The following EFCAB6 variants were observed in gnomAD, a reference collection of about 807,000 sequenced individuals.
EFCAB6 encodes EF-hand calcium-binding domain-containing protein 6.
In EFCAB6, 156 loss-of-function variants were observed where a neutral mutation model predicts 169.8. The ratio of observed to expected loss-of-function variants is 0.92; its 90% confidence interval spans 0.81 to 1.05. The LOEUF (loss-of-function observed/expected upper bound fraction) is 1.05, where lower values mean the gene tolerates loss of function less well. EFCAB6 is among the 50% of genes least tolerant of loss of function. The pLI is 0.00. For missense variants in EFCAB6, 1,800 were observed against 1,829.1 expected (o/e 0.98, Z 0.29); for synonymous variants, 698 against 676.4 (o/e 1.03, Z -0.50).
chr22:43,805,335 C>A (rs1305585435), intron 2 of EFCAB6, among the ~76,000 whole-genome samples: 1 of 152,170 alleles, frequency 6.6e-6, no homozygotes, highest in Non-Finnish European at 1.5e-5. Context: ...TACATATACC[C>A]AATAGAATAT....
At chr22:43,530,436 G>A (rs1250694409) in intron 31 of EFCAB6, 3 of 867,742 alleles carry the variant, frequency 3.5e-6, no homozygotes. Context: ...CCCTTGGAAG[G>A]TCCAACATAG....
chr22:43,605,514 G>A (rs1464158451), intron 22 of EFCAB6, among the ~76,000 whole-genome samples: 2 of 152,076 alleles, frequency 1.3e-5, no homozygotes, highest in South Asian at 2.1e-4. Flanking sequence ...GTGGTGGTGC[G>A]TGCCTGTAAT....
At chr22:43,531,321 C>T (rs2047052777) in intron 30 of EFCAB6, among the ~76,000 whole-genome samples, 2 of 152,100 alleles carry the variant, frequency 1.3e-5, no homozygotes, top group Admixed American at 1.3e-4. Context: ...CTTCAGGCCA[C>T]ACCACCTCCC....
chr22:43,798,575 T>C (rs1356523341), intron 2 of EFCAB6, among the ~76,000 whole-genome samples: 1 of 152,196 alleles, frequency 6.6e-6, no homozygotes, highest in Non-Finnish European at 1.5e-5. Flanking sequence ...GATGTAGCTA[T>C]TGGGATAAGT....
intron 26 of EFCAB6, among the ~76,000 whole-genome samples, chr22:43,565,501 C>T (rs1881576047): frequency 6.6e-6 from 1 of 152,116 alleles, no homozygotes; most frequent in Non-Finnish European, 1.5e-5. Context: ...CAGTGTTCCA[C>T]GAAATGGACA....
At chr22:43,807,876 T>C (rs551841562) in intron 2 of EFCAB6, among the ~76,000 whole-genome samples, 1 of 152,330 alleles carries the variant, frequency 6.6e-6, no homozygotes, top group East Asian at 1.9e-4. Context: ...ACATTGGCCA[T>C]TTACTGAGCA....
intron 12 of EFCAB6, among the ~76,000 whole-genome samples, chr22:43,683,428 TG>T (rs1475580626): frequency 2.6e-5 from 4 of 152,190 alleles, no homozygotes; most frequent in African/African-American, 9.7e-5. Context: ...CTGGGTTGTT[TG>T]TTAATTAAAC....
intron 20 of EFCAB6, among the ~76,000 whole-genome samples, chr22:43,623,287 C>G (rs1207786454): frequency 6.6e-6 from 1 of 152,004 alleles, no homozygotes; most frequent in Non-Finnish European, 1.5e-5. Flanking sequence ...GATGTTTGTG[C>G]ATTAAAATGT....
intron 6 of EFCAB6, among the ~76,000 whole-genome samples, chr22:43,743,907 GGTGGGTGGATGA>G (rs2060462214): frequency 6.7e-6 from 1 of 150,112 alleles, no homozygotes; most frequent in Non-Finnish European, 1.5e-5. Context: ...TGGATGGGTG[GGTGGGTGGATGA>G]ATGGATGGAT....
intron 23 of EFCAB6, among the ~76,000 whole-genome samples, chr22:43,599,789 TG>T (rs2052356965): frequency 6.6e-6 from 1 of 152,130 alleles, no homozygotes; most frequent in African/African-American, 2.4e-5. Flanking sequence ...CCAGGCGGTA[TG>T]CCATCCACAA....
At chr22:43,726,836 G>A (rs960401334) in intron 8 of EFCAB6, among the ~76,000 whole-genome samples, 3 of 152,226 alleles carry the variant, frequency 2.0e-5, no homozygotes, top group African/African-American at 7.2e-5. Flanking sequence ...GGAGGACAAA[G>A]TTTAGAGTCT....
chr22:43,701,678 A>G (rs2058771979), intron 10 of EFCAB6, among the ~76,000 whole-genome samples: 1 of 151,814 alleles, frequency 6.6e-6, no homozygotes, highest in African/African-American at 2.4e-5. Context: ...AATTTTTTTT[A>G]ATTTGGATAC....
intron 4 of EFCAB6, among the ~76,000 whole-genome samples, chr22:43,771,169 C>T (rs911666713): frequency 6.6e-6 from 1 of 152,066 alleles, no homozygotes; most frequent in East Asian, 1.9e-4. Flanking sequence ...GGTGGCTCAC[C>T]CCTGTAATCC....
intron 6 of EFCAB6, among the ~76,000 whole-genome samples, chr22:43,747,576 C>T (rs1477507616): frequency 6.6e-6 from 1 of 152,214 alleles, no homozygotes; most frequent in East Asian, 1.9e-4. Context: ...TCACTCAGTG[C>T]ACACTCAGCT....
At chr22:43,563,251 G>A (rs2049184803) in intron 26 of EFCAB6, among the ~76,000 whole-genome samples, 1 of 152,178 alleles carries the variant, frequency 6.6e-6, no homozygotes, top group Admixed American at 6.5e-5. Context: ...TTGTTACCTT[G>A]GGTAAGATGC....
At chr22:43,719,667 C>G (rs1366877242) in intron 8 of EFCAB6, among the ~76,000 whole-genome samples, 1 of 152,134 alleles carries the variant, frequency 6.6e-6, no homozygotes, top group African/African-American at 2.4e-5. Context: ...ACTGGCTCTC[C>G]CACTTACTAG....
At chr22:43,577,948 G>A (rs2050370592) in intron 25 of EFCAB6, among the ~76,000 whole-genome samples, 1 of 151,832 alleles carries the variant, frequency 6.6e-6, no homozygotes, top group South Asian at 2.1e-4. Flanking sequence ...ACCTCCAAGA[G>A]TCTGATACCC....
At chr22:43,538,027 A>T (rs996462487) in intron 28 of EFCAB6, among the ~76,000 whole-genome samples, 1 of 152,044 alleles carries the variant, frequency 6.6e-6, no homozygotes, top group Non-Finnish European at 1.5e-5. Context: ...TTTAAAAACA[A>T]GGGAGTGGCT....
chr22:43,730,767 G>C (rs866570351), intron 8 of EFCAB6, among the ~76,000 whole-genome samples: 1 of 152,168 alleles, frequency 6.6e-6, no homozygotes, highest in Non-Finnish European at 1.5e-5. Context: ...ATGAAGAGGC[G>C]ACGCAGGAAC....
Sources: gnomAD v4.1 joint callset for allele counts (sites outside exome capture counted in the v4.1 genomes callset) on GRCh38, gnomAD v4.1.1 for gene constraint, MANE v1.5 for transcripts, NCBI Gene and HGNC (gene_info 2026-07-23, HGNC 2026-07-21) for gene names.